The following ZNF644 variants were observed in gnomAD, a reference collection of about 807,000 sequenced individuals.
ZNF644 encodes zinc finger protein 644, also known as zinc finger motif enhancer binding protein 2.
Under a neutral mutation model 108.0 loss-of-function variants are expected in ZNF644, and 20 were observed. The ratio of observed to expected loss-of-function variants is 0.19; its 90% CI spans 0.13 to 0.27. The LOEUF is 0.27. ZNF644 is among the 10% of genes least tolerant of loss of function. ZNF644 has a pLI of 1.00. For missense variants in ZNF644, 1,338 were observed against 1,548.9 expected (o/e 0.86, Z 2.29); for synonymous variants, 542 against 539.1 (o/e 1.01, Z -0.08).
chr1:90,988,923 A>G (rs921032843), intron 1 of ZNF644, among the ~76,000 whole-genome samples: 4 of 152,190 alleles, frequency 2.6e-5, no homozygotes, highest in African/African-American at 9.7e-5. Flanking sequence ...AACTAAAACA[A>G]TAAAACTATT....
chr1:91,009,296 C>T (rs1659729054), intron 1 of ZNF644, among the ~76,000 whole-genome samples: 1 of 151,842 alleles, frequency 6.6e-6, no homozygotes, highest in African/African-American at 2.4e-5. Flanking sequence ...TATTAGTTCC[C>T]AAGCTTCTGT....
intron 2 of ZNF644, among the ~76,000 whole-genome samples, chr1:90,961,169 A>G (rs559265): frequency 0.14 from 20,618 of 152,174 alleles, 1,445 homozygotes; most frequent in South Asian, 0.16. Context: ...TATATATGGA[A>G]TTTAAAAACA....
chr1:90,986,391 A>T (rs1043794620), intron 1 of ZNF644, among the ~76,000 whole-genome samples: 6 of 152,080 alleles, frequency 3.9e-5, no homozygotes, highest in Non-Finnish European at 2.9e-5. Flanking sequence ...AAGAAACGAC[A>T]ACTAAATGTA....
rs199656571 is a variant in ZNF644, at chr1:90,939,114, T to C, written c.2240A>G (p.Tyr747Cys). Residue 747 changes from tyrosine (Y) to cysteine (C), a missense_variant, in exon 3 of 6, where the codon TAT becomes TGT. Physicochemically the swap from Tyr to Cys is radical, Grantham distance 194. Transcript: ENST00000337393. ...TTCACCTGATTTTTTGATCATCCTA[T>C]AGTTTTCATATTTGTGTCTATACAA... ...HYLYRHKYEN[Y>C]RMIKKSGESY... is the part of the protein sequence containing the mutation. The C allele has an allele frequency of 2.2e-5, 35 of 1,613,778 alleles. No homozygotes were observed. Among genetic ancestry groups the C allele is most frequent in the Non-Finnish European group, 2.5e-5 (29 of 1,179,904 alleles).
chr1:90,918,016 A>G, intron 5 of ZNF644, 36 bp downstream of exon 5: 1 of 1,539,428 alleles, frequency 6.5e-7, no homozygotes, highest in Non-Finnish European at 9.0e-7. Context: ...GCAAAGTATG[A>G]AGAAACTGAT....
intron 2 of ZNF644, among the ~76,000 whole-genome samples, chr1:90,944,067 C>T (rs1271467832): frequency 6.6e-6 from 1 of 152,158 alleles, no homozygotes; most frequent in Non-Finnish European, 1.5e-5. Flanking sequence ...AGCAATGTTG[C>T]TAACGAAGTG....
chr1:90,991,565 C>T (rs1399837671), intron 1 of ZNF644, among the ~76,000 whole-genome samples: 1 of 152,192 alleles, frequency 6.6e-6, no homozygotes, highest in Non-Finnish European at 1.5e-5. Flanking sequence ...GTTCCGCAGG[C>T]TGTACAGAAA....
chr1:90,989,414 G>A (rs373686530), intron 1 of ZNF644, among the ~76,000 whole-genome samples: 6 of 151,872 alleles, frequency 4.0e-5, no homozygotes, highest in South Asian at 4.2e-4. Flanking sequence ...GTGGTAGCAC[G>A]CGTTTGTAGT....
chr1:90,944,612 G>A (rs1398962934), intron 2 of ZNF644, among the ~76,000 whole-genome samples: 3 of 150,224 alleles, frequency 2.0e-5, no homozygotes, highest in South Asian at 2.1e-4. Flanking sequence ...TAGGTCACTC[G>A]GTAATTCTGA....
intron 1 of ZNF644, among the ~76,000 whole-genome samples, chr1:90,993,610 C>T (rs529407210): frequency 1.8e-4 from 28 of 152,244 alleles, no homozygotes; most frequent in African/African-American, 6.5e-4. Flanking sequence ...TTTATATTGA[C>T]ATTTGATTTA....
At chr1:90,971,716 C>T (rs1327502377) in intron 2 of ZNF644, among the ~76,000 whole-genome samples, 1 of 151,994 alleles carries the variant, frequency 6.6e-6, no homozygotes, top group African/African-American at 2.4e-5. Flanking sequence ...CACGCCAGGG[C>T]AAGAAAAGCC....
At chr1:90,996,995 A>G (rs1031744459) in intron 1 of ZNF644, among the ~76,000 whole-genome samples, 1 of 152,228 alleles carries the variant, frequency 6.6e-6, no homozygotes, top group Non-Finnish European at 1.5e-5. Context: ...GGACAACCAA[A>G]GGACATTTGT....
In ZNF644 at chr1:90,940,465, C is replaced by T. The variant is rs753521528; in HGVS notation, c.889G>A (p.Val297Ile). The T allele has an allele frequency of 2.2e-5, 35 of 1,613,474 alleles. No individual in the cohort carries two copies. The highest frequency in any genetic ancestry group is 2.6e-5 in the Non-Finnish European group (31 of 1,179,886). ...TCGGTATAACGAGTTATCTTGCTTA[C>T]ATCCATTTTTCGCTTTCTTTTTTTT... ...LEKKRKRKMD[V>I]SKITRYTEDC... The change falls in exon 3 of 6, where the codon GTA becomes ATA. Residue 297 changes from valine (V) to isoleucine (I), a missense_variant. Val to Ile is a conservative substitution (Grantham distance 29, BLOSUM62 3). Transcript: ENST00000337393.
intron 2 of ZNF644, among the ~76,000 whole-genome samples, chr1:90,962,509 G>A (rs1654434833): frequency 1.3e-5 from 2 of 151,910 alleles, no homozygotes; most frequent in South Asian, 2.1e-4. Flanking sequence ...CTAGATAGAA[G>A]GTAGATCTAA....
At chr1:90,919,251 G>A (rs952962465) in intron 4 of ZNF644, among the ~76,000 whole-genome samples, 6 of 150,156 alleles carry the variant, frequency 4.0e-5, no homozygotes, top group Non-Finnish European at 8.8e-5. Context: ...AGGGATCCAA[G>A]GGGGGAGGGA....
intron 5 of ZNF644, among the ~76,000 whole-genome samples, chr1:90,917,638 C>T (rs1648940090): frequency 6.6e-6 from 1 of 152,104 alleles, no homozygotes; most frequent in Non-Finnish European, 1.5e-5. Context: ...GCTGGGATTA[C>T]AGGCACCCGC....
rs1648784352 is a variant in ZNF644, at chr1:90,916,576, A to G, written c.*222T>C. The G allele has an allele frequency of 3.6e-6, 2 of 552,888 alleles. No homozygotes were observed. Among genetic ancestry groups the G allele is most frequent in the Non-Finnish European group, 6.4e-6 (2 of 314,500 alleles). The allele number at this position is 552,888 out of a possible 1,614,324, so 34.2% of individuals were successfully genotyped here. A position where few individuals can be genotyped will look rare whatever the true frequency, so the allele number is the denominator to read the frequency against. ...TTTTACTGAGTGAACACAGTTAACC[A>G]ACAAAACTTCATAAACCTTAAAAAC... On this transcript the variant is annotated 3_prime_UTR_variant, in exon 6 of 6. Transcript: ENST00000337393.
intron 2 of ZNF644, among the ~76,000 whole-genome samples, chr1:90,975,645 C>A (rs761017074): frequency 1.3e-5 from 2 of 152,042 alleles, no homozygotes; most frequent in African/African-American, 2.4e-5. Context: ...AGTTTCACCA[C>A]GTTGGCCAGG....
At chr1:90,927,714 A>C (rs2100838209) in intron 4 of ZNF644, among the ~76,000 whole-genome samples, 1 of 152,282 alleles carries the variant, frequency 6.6e-6, no homozygotes, top group South Asian at 2.1e-4. Flanking sequence ...TAAGAAATAT[A>C]AAGACCCATC....
Sources: gnomAD v4.1 joint callset for allele counts (sites outside exome capture counted in the v4.1 genomes callset) on GRCh38, gnomAD v4.1.1 for gene constraint, MANE v1.5 for transcripts, NCBI Gene and HGNC (gene_info 2026-07-23, HGNC 2026-07-21) for gene names.